The following DGKB variants were observed in gnomAD, a reference collection of about 807,000 sequenced individuals.
DGKB encodes the protein diacylglycerol kinase beta.
A neutral mutation model predicts 114.3 loss-of-function variants in DGKB; 67 were observed. The ratio of observed to expected loss-of-function variants is 0.59; its 90% CI spans 0.48 to 0.72. The LOEUF (loss-of-function observed/expected upper bound fraction) is 0.72, where lower values mean the gene tolerates loss of function less well. Ranked by LOEUF, DGKB falls within the 30% of genes least tolerant of loss-of-function variation. The probability of loss-of-function intolerance (pLI) is 0.00; values close to 1 mark genes in which losing one functional copy is unlikely to be tolerated. For synonymous variants in DGKB, 398 were observed against 323.1 expected (o/e 1.23, Z -2.49); for missense variants, 907 against 975.2 (o/e 0.93, Z 0.93).
intron 2 of DGKB, among the ~76,000 whole-genome samples, chr7:14,838,637 G>A (rs1206604861): frequency 2.0e-5 from 3 of 151,770 alleles, no homozygotes; most frequent in African/African-American, 2.4e-5. Context: ...TTTTCCAGTC[G>A]TCTTTCATGA....
chr7:14,663,195 T>A (rs1261176851), intron 13 of DGKB, among the ~76,000 whole-genome samples: 1 of 152,136 alleles, frequency 6.6e-6, no homozygotes, highest in East Asian at 1.9e-4. Flanking sequence ...GGATGAACAA[T>A]TTGGCTGAAT....
chr7:14,842,187 A>T (rs1200289271), intron 1 of DGKB, among the ~76,000 whole-genome samples: 1 of 152,216 alleles, frequency 6.6e-6, no homozygotes, highest in Non-Finnish European at 1.5e-5. Flanking sequence ...ATTTAGTAAG[A>T]GTTACTTTTT....
At chr7:14,279,334 T>C (rs1435127667) in intron 23 of DGKB, among the ~76,000 whole-genome samples, 5 of 152,122 alleles carry the variant, frequency 3.3e-5, no homozygotes, top group Admixed American at 2.6e-4. Flanking sequence ...CAGGCTTGAT[T>C]AGGTAAACAA....
At chr7:14,839,411 T>C (rs1270927940) in intron 2 of DGKB, among the ~76,000 whole-genome samples, 3 of 149,050 alleles carry the variant, frequency 2.0e-5, no homozygotes, top group Admixed American at 6.7e-5. Context: ...CTTCTTCTTT[T>C]TTTTTTTTTT....
rs148430257 is a variant in DGKB at position 14,210,028 on chromosome 7, C to G, written c.2123-31877G>C. Among the ~76,000 whole-genome samples the G allele has an allele frequency of 3.6e-3, 549 of 151,952 alleles. 5 individuals carry two copies. The highest frequency in any genetic ancestry group is 0.013 in the African/African-American group (525 of 41,464). ...TACTGTGGCAAAGCTGAACAGAAAC[C>G]TAAATGTTATACATACAAAGTGGTA... On this transcript the variant is annotated intron_variant, in intron 23 of 25. Transcript: ENST00000402815.
intron 4 of DGKB, among the ~76,000 whole-genome samples, chr7:14,737,932 A>C (rs1362480650): frequency 6.6e-6 from 1 of 151,972 alleles, no homozygotes; most frequent in Non-Finnish European, 1.5e-5. Flanking sequence ...TTCTAGTAGT[A>C]GAGTGAACTA....
chr7:14,399,453 GA>G (rs1192876180), intron 21 of DGKB, among the ~76,000 whole-genome samples: 1 of 151,162 alleles, frequency 6.6e-6, no homozygotes, highest in East Asian at 1.9e-4. Context: ...GTTAAATTTA[GA>G]AAAATTATAT....
chr7:14,410,199 A>AATATAT (rs58851028), intron 21 of DGKB, among the ~76,000 whole-genome samples: 3,231 of 148,984 alleles, frequency 0.022, 47 homozygotes, highest in Middle Eastern at 0.037. Flanking sequence ...AATTACACTA[A>AATATAT]ATATATATAT....
rs1313750601 is a variant in DGKB, at chr7:14,722,720, G to T, written c.323-4035C>A. Among the ~76,000 whole-genome samples the T allele has an allele frequency of 1.1e-4, 15 of 139,430 alleles. No homozygotes were observed. The East Asian group carries it at 2.9e-3, about 27-fold the overall frequency. 91.5% of individuals were successfully genotyped at this position (139,430 alleles called of 152,430 possible). A position where few individuals can be genotyped will look rare whatever the true frequency, so the allele number is the denominator to read the frequency against. On this transcript the variant is annotated intron_variant, in intron 5 of 25. Coordinates refer to ENST00000402815, the MANE Select transcript of DGKB (RefSeq NM_001350709.2). ...CCAGATACTTGGGAGGTTGAGGCAG[G>T]AGAATCGCTGGAACCCAGGAGGTGG...
intron 13 of DGKB, among the ~76,000 whole-genome samples, chr7:14,666,667 GT>G (rs1352064611): frequency 4.6e-5 from 7 of 151,850 alleles, no homozygotes; most frequent in Admixed American, 3.3e-4. Flanking sequence ...TTTTTTGGAA[GT>G]AAAATAAGGG....
chr7:14,950,414 A>T (rs1477631218), intron 1 of DGKB, among the ~76,000 whole-genome samples: 1 of 151,960 alleles, frequency 6.6e-6, no homozygotes, highest in African/African-American at 2.4e-5. Context: ...AGATTAGAGC[A>T]GAAATTGATG....
At chr7:14,761,474 C>A (rs560360666) in intron 2 of DGKB, among the ~76,000 whole-genome samples, 8 of 152,262 alleles carry the variant, frequency 5.3e-5, no homozygotes, top group African/African-American at 1.9e-4. Flanking sequence ...TGGCCTATCA[C>A]CATAAACATT....
intron 2 of DGKB, among the ~76,000 whole-genome samples, chr7:14,797,763 T>C (rs1035281810): frequency 6.6e-6 from 1 of 152,146 alleles, no homozygotes; most frequent in African/African-American, 2.4e-5. Context: ...GCTTTCCTTC[T>C]TCTCTCCCAT....
intron 2 of DGKB, among the ~76,000 whole-genome samples, chr7:14,822,905 T>C (rs77524982): frequency 0.069 from 10,455 of 152,162 alleles, 487 homozygotes; most frequent in Admixed American, 0.11. Flanking sequence ...ATCTCAGAAA[T>C]CAGAGATGTC....
intron 21 of DGKB, among the ~76,000 whole-genome samples, chr7:14,465,496 A>C (rs1833701705): frequency 6.6e-6 from 1 of 152,178 alleles, no homozygotes; most frequent in Admixed American, 6.6e-5. Context: ...AATAAGTGAT[A>C]AGATGATCAA....
chr7:14,409,920 G>C (rs887023234), intron 21 of DGKB, among the ~76,000 whole-genome samples: 1 of 151,988 alleles, frequency 6.6e-6, no homozygotes, highest in Admixed American at 6.6e-5. Context: ...AAACAGTGTA[G>C]TAGTACACAC....
chr7:14,369,950 A>G (rs922191938), intron 21 of DGKB, among the ~76,000 whole-genome samples: 3 of 152,182 alleles, frequency 2.0e-5, no homozygotes, highest in African/African-American at 7.2e-5. Context: ...GTTTCATTTC[A>G]TTAGATCCCA....
Position 14,331,060 on chromosome 7 carries a change from C to A in DGKB, c.2122+7455G>T, listed in dbSNP as rs1809637673. ...TATGATGTAATCTTAAATTTAACAG[C>A]AATTTTGATATTTAGTCTTATTAAG... On this transcript the variant is annotated intron_variant, in intron 23 of 25. Transcript: ENST00000402815. Among the ~76,000 whole-genome samples, 4 of 151,776 alleles carry A rather than the reference C, an allele frequency of 2.6e-5. No individual in the cohort carries two copies. In the South Asian group the frequency reaches 8.3e-4, roughly 31 times the overall value.
At chr7:14,177,980 T>G in intron 24 of DGKB, 51 bp downstream of exon 24, 1 of 1,492,610 alleles carries the variant, frequency 6.7e-7, no homozygotes, top group Non-Finnish European at 8.9e-7. Context: ...TTTAATTAGT[T>G]TGAGGCTATG....
Sources: gnomAD v4.1 joint callset for allele counts (sites outside exome capture counted in the v4.1 genomes callset) on GRCh38, gnomAD v4.1.1 for gene constraint, MANE v1.5 for transcripts, NCBI Gene and HGNC (gene_info 2026-07-23, HGNC 2026-07-21) for gene names.